Variants in CEP85L observed in about 807,000 individuals in gnomAD.
CEP85L encodes centrosomal protein of 85 kDa-like.
A neutral mutation model predicts 100.3 loss-of-function variants in CEP85L; 60 were observed. The ratio of observed to expected loss-of-function variants is 0.60; its 90% CI spans 0.49 to 0.74. The LOEUF is 0.74. Among genes scored for constraint, CEP85L ranks in the 30% least tolerant of loss-of-function variants. The pLI is 0.00. For synonymous variants in CEP85L, 319 were observed against 322.7 expected (o/e 0.99, Z 0.12); for missense variants, 973 against 936.2 (o/e 1.04, Z -0.51).
At chr6:118,559,241 T>C (rs1481810758) in intron 3 of CEP85L, 3 of 692,998 alleles carry the variant, frequency 4.3e-6, no homozygotes, top group Non-Finnish European at 8.0e-6. Flanking sequence ...TGTTACCATA[T>C]GTATTCATCT....
chr6:118,651,894 C>T (rs79797360), upstream of CEP85L: 4 of 985,486 alleles, frequency 4.1e-6, no homozygotes, highest in Middle Eastern at 5.2e-4. Context: ...GCCCTCCCTC[C>T]GGGCACCTCT....
At chr6:118,541,298 T>C (rs1422381446) in intron 3 of CEP85L, among the ~76,000 whole-genome samples, 3 of 152,222 alleles carry the variant, frequency 2.0e-5, no homozygotes, top group Non-Finnish European at 4.4e-5. Flanking sequence ...TGCTATGCTA[T>C]GCAAGCTTTT....
chr6:118,709,556 T>TGTGTGTGTGTGTGTGTGTGTGA lies in CEP85L; in HGVS notation c.-28+479_-28+480insTCACACACACACACACACACAC, dbSNP rs751698371. On this transcript the variant is annotated intron_variant, in intron 1 of 13. Transcript: ENST00000368488. ...GCGTGTGTGTGTGTGTGTGTGTGTG[T>TGTGTGTGTGTGTGTGTGTGTGA]GAGAGAGAGAGAGAGAGAGAGAGAG... Among the ~76,000 whole-genome samples, 468 of 142,266 alleles carry TGTGTGTGTGTGTGTGTGTGTGA rather than the reference T, an allele frequency of 3.3e-3. 3 individuals are homozygous for TGTGTGTGTGTGTGTGTGTGTGA. The highest frequency in any genetic ancestry group is 0.012 in the African/African-American group (423 of 35,528). The allele number at this position is 142,266 out of a possible 152,430, so 93.3% of individuals were successfully genotyped here.
At chr6:118,507,491 A>ACCAT (rs1775725475) in intron 5 of CEP85L, among the ~76,000 whole-genome samples, 3 of 152,184 alleles carry the variant, frequency 2.0e-5, no homozygotes, top group Non-Finnish European at 4.4e-5. Context: ...GAAAGATGGC[A>ACCAT]CTATTAATAA....
intron 3 of CEP85L, among the ~76,000 whole-genome samples, chr6:118,525,283 T>C (rs1582977237): frequency 6.6e-6 from 1 of 152,204 alleles, no homozygotes; most frequent in Non-Finnish European, 1.5e-5. Flanking sequence ...ATGGCAGATA[T>C]CCTTATATTT....
chr6:118,624,917 C>T (rs982665305), intron 2 of CEP85L, among the ~76,000 whole-genome samples: 1 of 152,218 alleles, frequency 6.6e-6, no homozygotes, highest in Admixed American at 6.5e-5. Context: ...CTCTCATTCC[C>T]ATCTCTAGAG....
chr6:118,685,123 A>C (rs184016033), intron 1 of CEP85L, among the ~76,000 whole-genome samples: 1 of 152,370 alleles, frequency 6.6e-6, no homozygotes, highest in Admixed American at 6.5e-5. Context: ...TTCAACTAAA[A>C]GGGAAATTTA....
intron 2 of CEP85L, among the ~76,000 whole-genome samples, chr6:118,573,503 A>T (rs917756344): frequency 5.3e-5 from 8 of 151,734 alleles, no homozygotes; most frequent in African/African-American, 1.9e-4. Flanking sequence ...ACTTGTGATT[A>T]AATCTAAAAA....
chr6:118,581,223 A>G (rs1195003753), intron 2 of CEP85L, among the ~76,000 whole-genome samples: 1 of 152,132 alleles, frequency 6.6e-6, no homozygotes, highest in Non-Finnish European at 1.5e-5. Flanking sequence ...TGGTTCCTAC[A>G]TTTCTTTAAG....
intron 4 of CEP85L, among the ~76,000 whole-genome samples, chr6:118,519,432 CTGTGTGTGTGTGTGTGTGTGTG>C (rs546998242): frequency 1.7e-4 from 4 of 23,972 alleles, no homozygotes; most frequent in Non-Finnish European, 2.1e-4. Context: ...GAGCAAAACT[CTGTGTGTGTGTGTGTGTGTGTG>C]TGTGTGTGTG....
intron 1 of CEP85L, among the ~76,000 whole-genome samples, chr6:118,698,027 C>T (rs886207289): frequency 1.3e-5 from 2 of 152,274 alleles, no homozygotes; most frequent in Admixed American, 6.5e-5. Flanking sequence ...CCCACTGGGT[C>T]CTAAGGGCCA....
At chr6:118,515,759 TTTTTA>T (rs1431943570) in intron 4 of CEP85L, among the ~76,000 whole-genome samples, 2 of 152,196 alleles carry the variant, frequency 1.3e-5, no homozygotes, top group African/African-American at 4.8e-5. Context: ...AGAAATTTAT[TTTTTA>T]TTTTATTATA....
intron 2 of CEP85L, among the ~76,000 whole-genome samples, chr6:118,573,033 G>C (rs1780000540): frequency 6.6e-6 from 1 of 152,186 alleles, no homozygotes; most frequent in Admixed American, 6.5e-5. Flanking sequence ...TTGCACTCCA[G>C]CTTGGGTAAC....
At chr6:118,519,011 G>A (rs1358952116) in intron 4 of CEP85L, among the ~76,000 whole-genome samples, 3 of 152,192 alleles carry the variant, frequency 2.0e-5, no homozygotes, top group Non-Finnish European at 4.4e-5. Flanking sequence ...TCAGGAGCAG[G>A]TTGTTCAGTT....
intron 5 of CEP85L, among the ~76,000 whole-genome samples, chr6:118,500,411 C>T (rs9481818): frequency 0.1 from 4,458 of 42,464 alleles, 109 homozygotes; most frequent in African/African-American, 0.19. Context: ...ACCATCACTC[C>T]CTGGCGCTGG....
rs936022653 is a variant in CEP85L at position 118,463,379 on chromosome 6, C to G, written c.*2026G>C. 2.0e-5 allele frequency: 3 copies of G among 151,822 alleles called. No homozygotes were observed. Among genetic ancestry groups the G allele is most frequent in the South Asian group, 2.1e-4 (1 of 4,830 alleles). 9.4% of individuals were successfully genotyped at this position (151,822 alleles called of 1,614,324 possible). Reference sequence around the variant, plus strand: ...CAATTTGTTCTATTATTTTAGGAAGCCTTTATTTCTAAAATCATGGGGGAG... The same window carrying G: ...CAATTTGTTCTATTATTTTAGGAAGGCTTTATTTCTAAAATCATGGGGGAG... On this transcript the variant is annotated 3_prime_UTR_variant, in exon 13 of 13. Transcript: ENST00000368491.
At chr6:118,483,885 A>G (rs776662687) in intron 6 of CEP85L, 27 bp from the exon 7 acceptor site, 3 of 1,596,120 alleles carry the variant, frequency 1.9e-6, no homozygotes, top group South Asian at 2.3e-5. Context: ...ATGAACCTTC[A>G]GTAGTTTTCA....
intron 10 of CEP85L, among the ~76,000 whole-genome samples, chr6:118,476,066 G>A (rs534024745): frequency 6.6e-5 from 10 of 152,114 alleles, no homozygotes; most frequent in African/African-American, 2.4e-4. Context: ...GTGACTATTC[G>A]CAGCGCTAAC....
intron 2 of CEP85L, among the ~76,000 whole-genome samples, chr6:118,566,838 T>C (rs1434851064): frequency 1.4e-4 from 21 of 152,222 alleles, no homozygotes; most frequent in Admixed American, 1.4e-3. Flanking sequence ...TAATAGAGTA[T>C]ATGGCCTTTC....
Sources: allele counts gnomAD v4.1 joint callset (sites outside exome capture counted in the v4.1 genomes callset), GRCh38; gene constraint gnomAD v4.1.1; transcripts MANE v1.5; gene names NCBI Gene and HGNC (gene_info 2026-07-23, HGNC 2026-07-21).